The following USP32 variants were observed in gnomAD, a reference collection of about 807,000 sequenced individuals.
USP32 encodes ubiquitin carboxyl-terminal hydrolase 32.
In USP32, 59 loss-of-function variants were observed where a neutral mutation model predicts 204.8. The ratio of observed to expected loss-of-function variants is 0.29; its 90% CI spans 0.23 to 0.36. USP32 has a LOEUF of 0.36. USP32 is among the 10% of genes least tolerant of loss of function. The probability of loss-of-function intolerance (pLI) is 1.00; values close to 1 mark genes in which losing one functional copy is unlikely to be tolerated. For missense variants in USP32, 1,160 were observed against 1,946.4 expected, an observed-to-expected ratio of 0.60 and a Z score of 7.60; for synonymous variants, 517 against 678.4, an observed-to-expected ratio of 0.76 and a Z score of 3.70.
chr17:60,312,557 A>C (rs898889030), intron 2 of USP32, among the ~76,000 whole-genome samples: 4 of 151,944 alleles, frequency 2.6e-5, no homozygotes, highest in Non-Finnish European at 4.4e-5. Flanking sequence ...TGGGAGTCTG[A>C]GGACTCCCAA....
At chr17:60,272,317 T>C (rs902692644) in intron 5 of USP32, among the ~76,000 whole-genome samples, 6 of 152,218 alleles carry the variant, frequency 3.9e-5, no homozygotes, top group Non-Finnish European at 7.3e-5. Context: ...AGTCCCTATG[T>C]GATAGCAATA....
At chr17:60,184,435 T>C (rs2084195713) in intron 30 of USP32, among the ~76,000 whole-genome samples, 1 of 152,054 alleles carries the variant, frequency 6.6e-6, no homozygotes, top group Admixed American at 6.5e-5. Context: ...TTCTTGTGCA[T>C]CATTCCCTGG....
At chr17:60,225,740 T>C (rs1232822191) in intron 13 of USP32, among the ~76,000 whole-genome samples, 2 of 151,510 alleles carry the variant, frequency 1.3e-5, no homozygotes, top group Non-Finnish European at 2.9e-5. Flanking sequence ...GATCACGAGG[T>C]TGGGAGTTCA....
At chr17:60,421,985 A>AC (rs2090123537) in intron 1 of USP32, 1 of 974,960 alleles carries the variant, frequency 1.0e-6, no homozygotes, top group South Asian at 4.7e-5. Context: ...ATCTTTATAC[A>AC]CCCCCAAAAC....
At chr17:60,200,432 T>C (rs927659510) in intron 26 of USP32, among the ~76,000 whole-genome samples, 1 of 148,858 alleles carries the variant, frequency 6.7e-6, no homozygotes, top group Non-Finnish European at 1.5e-5. Context: ...TGGTGCCGCA[T>C]GCCTGTAATC....
chr17:60,215,584 C>G (rs150812249), intron 16 of USP32, among the ~76,000 whole-genome samples: 1 of 151,998 alleles, frequency 6.6e-6, no homozygotes, highest in Admixed American at 6.5e-5. Flanking sequence ...CCTAAACTTT[C>G]TTTGAATCAC....
intron 11 of USP32, among the ~76,000 whole-genome samples, chr17:60,250,794 A>G (rs1334254631): frequency 1.3e-5 from 2 of 152,136 alleles, no homozygotes; most frequent in African/African-American, 4.8e-5. Flanking sequence ...TCAAAAGAAA[A>G]ACCAAGACAG....
At chr17:60,268,779 A>G (rs1472945044) in intron 7 of USP32, among the ~76,000 whole-genome samples, 1 of 152,122 alleles carries the variant, frequency 6.6e-6, no homozygotes, top group African/African-American at 2.4e-5. Context: ...GCATCATAGT[A>G]CAACAGTACT....
chr17:60,413,702 T>A (rs2090036278), intron 1 of USP32, among the ~76,000 whole-genome samples: 1 of 151,572 alleles, frequency 6.6e-6, no homozygotes, highest in South Asian at 2.1e-4. Context: ...CTGTCTCTAC[T>A]AAAAATACAA....
chr17:60,269,011 AT>A (rs1295988198), intron 7 of USP32, among the ~76,000 whole-genome samples: 1 of 152,212 alleles, frequency 6.6e-6, no homozygotes, highest in Non-Finnish European at 1.5e-5. Flanking sequence ...AAAAAAGATC[AT>A]TTTAGTATTT....
At chr17:60,230,538 G>A (rs2085518062) in intron 12 of USP32, among the ~76,000 whole-genome samples, 1 of 152,172 alleles carries the variant, frequency 6.6e-6, no homozygotes, top group African/African-American at 2.4e-5. Flanking sequence ...TTTTAACATG[G>A]TACAGTGAGT....
intron 1 of USP32, among the ~76,000 whole-genome samples, chr17:60,387,996 T>C (rs950388800): frequency 1.3e-5 from 2 of 152,150 alleles, no homozygotes; most frequent in Admixed American, 6.5e-5. Context: ...ATACACTTAG[T>C]GGAGATCACT....
rs769846466 is a variant in USP32 at position 60,178,738 on chromosome 17, C to T, written c.*517G>A. Reference sequence around the variant, plus strand: ...TTTAAAAAATAAATTGAAAAATCCTCGTCCATGCCTTAAGAATCATTTGCA... The same window carrying T: ...TTTAAAAAATAAATTGAAAAATCCTTGTCCATGCCTTAAGAATCATTTGCA... On this transcript the variant is annotated 3_prime_UTR_variant, in exon 34 of 34. Transcript: ENST00000300896. Among the ~76,000 whole-genome samples the T allele has an allele frequency of 4.6e-5, 7 of 152,350 alleles. No homozygotes were observed. The highest frequency in any genetic ancestry group is 1.3e-4 in the Admixed American group (2 of 15,298).
intron 10 of USP32, among the ~76,000 whole-genome samples, chr17:60,253,632 G>A (rs2086223611): frequency 6.6e-6 from 1 of 152,028 alleles, no homozygotes; most frequent in Admixed American, 6.6e-5. Flanking sequence ...TGGGGGTGGT[G>A]GCACACGCCT....
At chr17:60,264,034 G>T (rs1033675203) in intron 9 of USP32, among the ~76,000 whole-genome samples, 8 of 151,928 alleles carry the variant, frequency 5.3e-5, no homozygotes, top group Non-Finnish European at 1.2e-4. Context: ...ATTTCACAGG[G>T]ACACATAGAC....
intron 13 of USP32, 74 bp downstream of exon 13, chr17:60,225,965 A>G (rs61075156): frequency 3.4e-6 from 5 of 1,455,144 alleles, no homozygotes; most frequent in Non-Finnish European, 4.5e-6. Context: ...AAAAAAAAAA[A>G]AAAAAGAAAA....
chr17:60,348,801 C>T (rs909182255), intron 1 of USP32, among the ~76,000 whole-genome samples: 2 of 151,758 alleles, frequency 1.3e-5, no homozygotes, highest in African/African-American at 4.8e-5. Flanking sequence ...GAGTGCTTGG[C>T]ACACAGTTAA....
intron 1 of USP32, among the ~76,000 whole-genome samples, chr17:60,370,638 C>T (rs2089419072): frequency 6.6e-6 from 1 of 151,418 alleles, no homozygotes; most frequent in African/African-American, 2.4e-5. Flanking sequence ...ATGGTGGTGC[C>T]CACCCAACCA....
intron 1 of USP32, chr17:60,422,216 C>T (rs1325565930): frequency 3.3e-6 from 1 of 306,476 alleles, no homozygotes; most frequent in Non-Finnish European, 6.2e-6. Context: ...GAATGGCACA[C>T]GTGCAGGAAA....
Sources: gnomAD v4.1 joint callset for allele counts (sites outside exome capture counted in the v4.1 genomes callset) on GRCh38, gnomAD v4.1.1 for gene constraint, MANE v1.5 for transcripts, NCBI Gene and HGNC (gene_info 2026-07-23, HGNC 2026-07-21) for gene names.